The following ABLIM2 variants were observed in gnomAD, a reference collection of about 807,000 sequenced individuals.
ABLIM2 encodes the protein actin binding LIM protein family member 2.
Under a neutral mutation model 97.7 loss-of-function variants are expected in ABLIM2, and 53 were observed. That is an observed-to-expected ratio of 0.54 (90% CI 0.44 to 0.68). The LOEUF (loss-of-function observed/expected upper bound fraction) is 0.68, where lower values mean the gene tolerates loss of function less well. ABLIM2 is among the 30% of genes least tolerant of loss of function. The probability of loss-of-function intolerance (pLI) is 0.00; values close to 1 mark genes in which losing one functional copy is unlikely to be tolerated. For synonymous variants in ABLIM2, 361 were observed against 345.8 expected, an observed-to-expected ratio of 1.04 and a Z score of -0.49; for missense variants, 835 against 867.2, an observed-to-expected ratio of 0.96 and a Z score of 0.47.
chr4:8,057,086 TTTTC>T (rs1445827737), intron 7 of ABLIM2, among the ~76,000 whole-genome samples: 26 of 149,336 alleles, frequency 1.7e-4, no homozygotes, highest in South Asian at 1.5e-3. Flanking sequence ...TTTCCTTTTC[TTTTC>T]TTTCTTTCTT....
rs1481056721 is a variant in ABLIM2, at chr4:8,009,071, G to A, written c.1455C>T (p.Ser485=). Residue 485 remains serine (S), a synonymous_variant, in exon 15 of 21, where the codon AGC becomes AGT. Transcript: ENST00000447017. ...TTACCTTCCTGTTATCCTGGTCCAAGCTTCCATCCTCCCCATCCGATCGCC... is the reference window on the plus strand; with the variant it reads ...TTACCTTCCTGTTATCCTGGTCCAAACTTCCATCCTCCCCATCCGATCGCC... ...AARRSDGEDG[S]LDQDNRKQKS... is the part of the protein sequence containing the mutation. 1.9e-6 allele frequency: 3 copies of A among 1,613,902 alleles called. No homozygotes were observed. The highest frequency in any genetic ancestry group is 2.5e-6 in the Non-Finnish European group (3 of 1,179,908).
intron 1 of ABLIM2, among the ~76,000 whole-genome samples, chr4:8,126,167 G>C (rs73075966): frequency 0.044 from 6,771 of 152,206 alleles, 210 homozygotes; most frequent in East Asian, 0.13. Context: ...GCTGAGGGGG[G>C]GCTATGGACA....
Position 8,033,851 on chromosome 4 carries a change from T to G in ABLIM2, c.1047+2298A>C, listed in dbSNP as rs888300822. Among the ~76,000 whole-genome samples the G allele has an allele frequency of 5.3e-5, 8 of 152,140 alleles. No homozygotes were observed. Among genetic ancestry groups the G allele is most frequent in the Admixed American group, 2.6e-4 (4 of 15,288 alleles). ...TGGAAGCTGTGTCCTGGTCATACCA[T>G]GAGACCCTGGAGCAGGACAGGGAGA... On this transcript the variant is annotated intron_variant, in intron 10 of 20. Coordinates refer to ENST00000447017, the MANE Select transcript of ABLIM2 (RefSeq NM_001130083.2). The surrounding 1 kb of genome is among the most constrained non-coding windows in gnomAD (Gnocchi z 4.5).
At chr4:8,006,718 C>G (rs1271772197) in intron 16 of ABLIM2, among the ~76,000 whole-genome samples, 2 of 152,208 alleles carry the variant, frequency 1.3e-5, no homozygotes, top group Non-Finnish European at 2.9e-5. Context: ...GAGAGAGGGA[C>G]CGGAGGACTG....
At position 8,063,939 on chromosome 4, in the gene ABLIM2, C is replaced by T. The variant is rs553213724; in HGVS notation, c.676-2885G>A. On this transcript the variant is annotated intron_variant, in intron 6 of 20. Transcript: ENST00000447017. ...AGGGAATAAGTTACCTTCCTAGTCG[C>T]TCCATAAATGACCCCCTTTCTCTCT... Among the ~76,000 whole-genome samples, 137 of 152,322 alleles carry T rather than the reference C, an allele frequency of 9.0e-4. 1 individual carries two copies. Among genetic ancestry groups the T allele is most frequent in the Non-Finnish European group, 1.7e-3 (115 of 68,032 alleles).
intron 3 of ABLIM2, among the ~76,000 whole-genome samples, chr4:8,094,397 C>T (rs541993826): frequency 6.6e-6 from 1 of 152,302 alleles, no homozygotes; most frequent in East Asian, 1.9e-4. Flanking sequence ...ACTCACGTCT[C>T]CAACAACTGA....
chr4:8,016,450 A>G (rs1769284757), intron 14 of ABLIM2, among the ~76,000 whole-genome samples: 1 of 152,138 alleles, frequency 6.6e-6, no homozygotes, highest in Admixed American at 6.5e-5. Flanking sequence ...TCCCTGAAAC[A>G]GCCTCAAAGC....
At chr4:8,098,801 G>C (rs570004273) in intron 2 of ABLIM2, among the ~76,000 whole-genome samples, 1 of 152,196 alleles carries the variant, frequency 6.6e-6, no homozygotes, top group Non-Finnish European at 1.5e-5. Flanking sequence ...GAGCCAGTGC[G>C]ATGTGAGACC....
rs1334047494 is a variant in ABLIM2, at chr4:8,005,420, T to G, written c.1618+2639A>C. On this transcript the variant is annotated intron_variant, in intron 16 of 20. Coordinates refer to ENST00000447017, the MANE Select transcript of ABLIM2 (RefSeq NM_001130083.2). This position sits in a 1 kb window ranked among gnomAD's most constrained non-coding sequence, Gnocchi z 4.9. ...CTACCTTCCTTGGGCGCGCTACAGA[T>G]GGACGTCCCGGGGTGCAGGTGGCGT... is the stretch of plus-strand genomic sequence containing the variant. 1.9e-6 allele frequency: 1 copy of G among 533,390 alleles called. No individual in the cohort carries two copies. The highest frequency in any genetic ancestry group is 1.9e-5 in the African/African-American group (1 of 51,928). 33.0% of individuals were successfully genotyped at this position (533,390 alleles called of 1,614,324 possible).
rs1453948098 is a variant in ABLIM2 at position 8,125,223 on chromosome 4, C to T, written c.11-18586G>A. ...GCATCACAGAGGTTTTTGATGAAAT[C>T]CAGTCGTCTATATCTTGTTATGACG... On this transcript the variant is annotated intron_variant, in intron 1 of 20. Coordinates refer to ENST00000447017, the MANE Select transcript of ABLIM2 (RefSeq NM_001130083.2). The surrounding 1 kb of genome is among the most constrained non-coding windows in gnomAD (Gnocchi z 6.2). Among the ~76,000 whole-genome samples, 8 of 152,170 alleles carry T rather than the reference C, an allele frequency of 5.3e-5. No individual in the cohort carries two copies. The highest frequency in any genetic ancestry group is 1.2e-4 in the Non-Finnish European group (8 of 68,042).
At chr4:8,030,076 C>T (rs977416839) in intron 10 of ABLIM2, among the ~76,000 whole-genome samples, 1 of 152,158 alleles carries the variant, frequency 6.6e-6, no homozygotes, top group East Asian at 1.9e-4. Flanking sequence ...CCAGCTTCAT[C>T]CTCCAGGTCT....
chr4:8,086,436 C>T (rs1296681419), intron 4 of ABLIM2, among the ~76,000 whole-genome samples: 1 of 151,054 alleles, frequency 6.6e-6, no homozygotes. Flanking sequence ...CAATCTCTGC[C>T]TCCCAAGTTC....
chr4:8,002,531 C>T lies in ABLIM2; in HGVS notation c.1618+5528G>A, dbSNP rs749248454. Among the ~76,000 whole-genome samples the T allele has an allele frequency of 2.0e-5, 3 of 152,180 alleles. No individual in the cohort carries two copies. The highest frequency in any genetic ancestry group is 6.5e-5 in the Admixed American group (1 of 15,280). The stretch of plus-strand genomic sequence containing the variant: ...AAAATGCAACATCTCCTGTCACGCT[C>T]GTGTCGTGCTGACGTTCCCCTCCCT... On this transcript the variant is annotated intron_variant, in intron 16 of 20. Coordinates refer to ENST00000447017, the MANE Select transcript of ABLIM2 (RefSeq NM_001130083.2). The surrounding 1 kb of genome is among the most constrained non-coding windows in gnomAD (Gnocchi z 6.1).
At position 8,043,924 on chromosome 4, in the gene ABLIM2, A is replaced by C. The variant is rs1358019976; in HGVS notation, c.900+1240T>G. Among the ~76,000 whole-genome samples, 1 of 152,074 alleles carries C rather than the reference A, an allele frequency of 6.6e-6. No homozygotes were observed. The highest frequency in any genetic ancestry group is 2.4e-5 in the African/African-American group (1 of 41,398). On this transcript the variant is annotated intron_variant, in intron 9 of 20. Coordinates refer to ENST00000447017, the MANE Select transcript of ABLIM2 (RefSeq NM_001130083.2). This position sits in a 1 kb window ranked among gnomAD's most constrained non-coding sequence, Gnocchi z 4.8. ...AGGCGGGCGGCACCTCGCCCAGGGCATGCAGCCAACCTGGTGCCTTCATGC... is the reference window on the plus strand; with the variant it reads ...AGGCGGGCGGCACCTCGCCCAGGGCCTGCAGCCAACCTGGTGCCTTCATGC...
At position 8,043,279 on chromosome 4, in the gene ABLIM2, T is replaced by G. The variant is rs778653772; in HGVS notation, c.900+1885A>C. ...TTTCTCTTGTGAACTTGTCTCTCGT[T>G]ATAGGAGTGTCAGCTGTGACCCTTT... On this transcript the variant is annotated intron_variant, in intron 9 of 20. Coordinates refer to ENST00000447017, the MANE Select transcript of ABLIM2 (RefSeq NM_001130083.2). This position sits in a 1 kb window ranked among gnomAD's most constrained non-coding sequence, Gnocchi z 4.8. 9.2e-5 allele frequency among the ~76,000 whole-genome samples: 14 copies of G among 152,340 alleles called. No homozygotes were observed. The highest frequency in any genetic ancestry group is 8.3e-4 in the South Asian group (4 of 4,816).
chr4:7,997,866 G>A (rs1366292145), intron 16 of ABLIM2, among the ~76,000 whole-genome samples: 1 of 151,914 alleles, frequency 6.6e-6, no homozygotes, highest in Non-Finnish European at 1.5e-5. Flanking sequence ...GTTAGTATCT[G>A]CTGTCTTTTT....
intron 20 of ABLIM2, among the ~76,000 whole-genome samples, chr4:7,974,485 A>G (rs1731251923): frequency 7.0e-6 from 1 of 143,150 alleles, no homozygotes; most frequent in Non-Finnish European, 1.5e-5. Flanking sequence ...CCATCCACTC[A>G]TGTATCTATC....
At chr4:7,985,849 T>C (rs1002010444) in intron 17 of ABLIM2, among the ~76,000 whole-genome samples, 3 of 152,224 alleles carry the variant, frequency 2.0e-5, no homozygotes, top group African/African-American at 4.8e-5. Flanking sequence ...TCTGTCCACC[T>C]GGAAGCATCA....
chr4:8,117,476 A>G (rs1269801710), intron 1 of ABLIM2, among the ~76,000 whole-genome samples: 1 of 150,532 alleles, frequency 6.6e-6, no homozygotes, highest in African/African-American at 2.5e-5. Context: ...GGCTCCACGC[A>G]CTAAGACTCC....
Sources: allele counts gnomAD v4.1 joint callset (sites outside exome capture counted in the v4.1 genomes callset), GRCh38; gene constraint gnomAD v4.1.1; non-coding constraint Gnocchi (gnomAD v3.1); transcripts MANE v1.5; gene names NCBI Gene and HGNC (gene_info 2026-07-23, HGNC 2026-07-21).